Variants in FKTN observed in about 807,000 individuals in gnomAD.
FKTN encodes fukutin.
Under a neutral mutation model 58.6 loss-of-function variants are expected in FKTN, and 47 were observed. The ratio of observed to expected loss-of-function variants is 0.80; its 90% confidence interval spans 0.63 to 1.02. The LOEUF is 1.02. FKTN is among the 50% of genes least tolerant of loss of function. The pLI is 0.00. For missense variants in FKTN, 516 were observed against 537.3 expected (o/e 0.96, Z 0.39); for synonymous variants, 178 against 191.9 (o/e 0.93, Z 0.60).
Position 105,639,228 on chromosome 9 carries a change from C to A in FKTN, c.*3964C>A. 2.0e-6 allele frequency: 2 copies of A among 985,304 alleles called. No individual in the cohort carries two copies. The highest frequency in any genetic ancestry group is 2.4e-6 in the Non-Finnish European group (2 of 829,870). The allele number at this position is 985,304 out of a possible 1,614,324, so 61.0% of individuals were successfully genotyped here. A position where few individuals can be genotyped will look rare whatever the true frequency, so the allele number is the denominator to read the frequency against. ...GTCAAGAGAATTTCTCAAGAAAAAT[C>A]CCAGCAACGTTCCCTCTTTCCTCCT... On this transcript the variant is annotated 3_prime_UTR_variant, in exon 11 of 11. Coordinates refer to ENST00000357998, the MANE Select transcript of FKTN (RefSeq NM_001079802.2).
chr9:105,635,248 T>TTA lies in FKTN; in HGVS notation c.1372_1373dup (p.Gln459SerfsTer9). On this transcript the variant is annotated frameshift_variant, in exon 11 of 11. Coordinates refer to ENST00000357998, the MANE Select transcript of FKTN (RefSeq NM_001079802.2). LOFTEE classifies it high-confidence loss of function. ...TGGCCTATTTCTGAGTGGGATGAGG[T>TTA]TATCCAGTTATATTGAGATAGTAGG... 1.2e-6 allele frequency: 2 copies of TTA among 1,614,004 alleles called. No homozygotes were observed. Among genetic ancestry groups the TTA allele is most frequent in the East Asian group, 2.2e-5 (1 of 44,882 alleles).
Position 105,638,166 on chromosome 9 carries a change from CCG to C in FKTN, c.*2903_*2904del. The C allele has an allele frequency of 1.0e-6, 1 of 985,270 alleles. No homozygotes were observed. Among genetic ancestry groups the C allele is most frequent in the Non-Finnish European group, 1.2e-6 (1 of 829,854 alleles). The allele number at this position is 985,270 out of a possible 1,614,324, so 61.0% of individuals were successfully genotyped here. A position where few individuals can be genotyped will look rare whatever the true frequency, so the allele number is the denominator to read the frequency against. The stretch of plus-strand genomic sequence containing the variant: ...CAGCTGAGGCTAAAACCCAAGACTG[CCG>C]TGACTCCTAGTCCAATGTCTGTTTC... On this transcript the variant is annotated 3_prime_UTR_variant, in exon 11 of 11. Transcript: ENST00000357998.
At chr9:105,586,284 C>T (rs530075848) in intron 3 of FKTN, among the ~76,000 whole-genome samples, 1 of 152,298 alleles carries the variant, frequency 6.6e-6, no homozygotes, top group South Asian at 2.1e-4. Context: ...AGAATTGACT[C>T]TTCAGATTCC....
At chr9:105,613,389 A>T (rs918263152) in intron 7 of FKTN, among the ~76,000 whole-genome samples, 7 of 152,362 alleles carry the variant, frequency 4.6e-5, no homozygotes, top group Middle Eastern at 3.4e-3. Context: ...TTCTGTAGAC[A>T]GTGACTTATC....
rs771773538 is a variant in FKTN, at chr9:105,615,426, T to C, written c.910+19T>C. 6.2e-7 allele frequency: 1 copy of C among 1,613,110 alleles called. No individual in the cohort carries two copies. The highest frequency in any genetic ancestry group is 1.1e-5 in the South Asian group (1 of 91,060). On this transcript the variant is annotated intron_variant, in intron 8 of 10. Coordinates refer to ENST00000357998, the MANE Select transcript of FKTN (RefSeq NM_001079802.2). Reference sequence around the variant, plus strand: ...TGTCTAGGTAAAATTCTTACGACTTTCCATTTGTCTTTCTGTCATTTTGTC... The same window carrying C: ...TGTCTAGGTAAAATTCTTACGACTTCCCATTTGTCTTTCTGTCATTTTGTC...
chr9:105,558,783 A>G (rs1564174702), intron 1 of FKTN, among the ~76,000 whole-genome samples: 1 of 152,254 alleles, frequency 6.6e-6, no homozygotes, highest in East Asian at 1.9e-4. Context: ...ATGGAAGCCC[A>G]GTAGAAAAGG....
At chr9:105,605,271 G>C (rs1164691732) in intron 6 of FKTN, among the ~76,000 whole-genome samples, 1 of 151,990 alleles carries the variant, frequency 6.6e-6, no homozygotes, top group Non-Finnish European at 1.5e-5. Flanking sequence ...AAATAATATG[G>C]ATTATAAGAC....
In FKTN at chr9:105,573,677, G is replaced by C. The variant is rs4742953; in HGVS notation, c.-158G>C. 39,948 of 151,944 alleles carry C rather than the reference G, an allele frequency of 0.26. 5,531 individuals are homozygous for C. The highest frequency in any genetic ancestry group is 0.31 in the Non-Finnish European group (21,246 of 67,954). 9.4% of individuals were successfully genotyped at this position (151,944 alleles called of 1,614,324 possible). ...CAGATTGAAAGGAAACACACTGAAT[G>C]AGGAAAAACTAACATACGGTCATCA... is the stretch of plus-strand genomic sequence containing the variant. On this transcript the variant is annotated 5_prime_UTR_variant, in exon 2 of 11. An upstream start codon of the reference 5' UTR is lost. Coordinates refer to ENST00000357998, the MANE Select transcript of FKTN (RefSeq NM_001079802.2).
intron 3 of FKTN, among the ~76,000 whole-genome samples, chr9:105,581,836 C>T (rs562883265): frequency 2.0e-5 from 3 of 152,190 alleles, no homozygotes; most frequent in Non-Finnish European, 2.9e-5. Context: ...GGGCGTAGGA[C>T]CCTCCGAGCC....
intron 10 of FKTN, among the ~76,000 whole-genome samples, chr9:105,631,982 G>A (rs1475442558): frequency 4.0e-5 from 6 of 149,652 alleles, no homozygotes; most frequent in Admixed American, 6.6e-5. Context: ...TGTTTATTGC[G>A]GCATTATTCA....
intron 7 of FKTN, among the ~76,000 whole-genome samples, chr9:105,608,453 A>G (rs985369776): frequency 1.3e-5 from 2 of 152,228 alleles, no homozygotes; most frequent in African/African-American, 4.8e-5. Flanking sequence ...GCAGCTTTCA[A>G]TTCAATACAC....
rs1841178559 is a variant in FKTN, at chr9:105,573,654, G to C, written c.-180-1G>C. The stretch of plus-strand genomic sequence containing the variant: ...AAAAAAAAAAAATCTTTATTCTACA[G>C]ATTGAAAGGAAACACACTGAATGAG... On this transcript the variant is annotated splice_acceptor_variant, in intron 1 of 10. Coordinates refer to ENST00000357998, the MANE Select transcript of FKTN (RefSeq NM_001079802.2). LOFTEE classifies it low-confidence loss of function (5UTR_SPLICE). 1 of 151,990 alleles carries C rather than the reference G, an allele frequency of 6.6e-6. No homozygotes were observed. Among genetic ancestry groups the C allele is most frequent in the Non-Finnish European group, 1.5e-5 (1 of 68,012 alleles). The allele number at this position is 151,990 out of a possible 1,614,324, so 9.4% of individuals were successfully genotyped here.
At position 105,635,107 on chromosome 9, in the gene FKTN, A is replaced by C; in HGVS notation, c.1229A>C (p.His410Pro). The C allele has an allele frequency of 6.2e-7, 1 of 1,614,180 alleles. No individual in the cohort carries two copies. Among genetic ancestry groups the C allele is most frequent in the Non-Finnish European group, 8.5e-7 (1 of 1,180,006 alleles). Residue 410 changes from histidine to proline, a missense_variant, in exon 11 of 11, where the codon CAT becomes CCT. Transcript: ENST00000357998. ...CWTEFVDMKV[H>P]VPCETLEYIE... ...ACTGAGTTTGTAGACATGAAGGTCC[A>C]TGTACCCTGTGAAACCCTCGAATAC...
At chr9:105,611,063 A>G (rs72746070) in intron 7 of FKTN, among the ~76,000 whole-genome samples, 2,505 of 151,116 alleles carry the variant, frequency 0.017, 35 homozygotes, top group Middle Eastern at 0.031. Context: ...AGATAACAAT[A>G]TTTTTATTTT....
chr9:105,638,896 A>G lies in FKTN; in HGVS notation c.*3632A>G, dbSNP rs1298471455. ...TTCAAATGGCACATAGATAGGCAGG[A>G]TATTACATAGGTAAGCAGGAATTTA... On this transcript the variant is annotated 3_prime_UTR_variant, in exon 11 of 11. Coordinates refer to ENST00000357998, the MANE Select transcript of FKTN (RefSeq NM_001079802.2). The G allele has an allele frequency of 1.0e-6, 1 of 985,188 alleles. No individual in the cohort carries two copies. The highest frequency in any genetic ancestry group is 1.7e-5 in the African/African-American group (1 of 57,232). 61.0% of individuals were successfully genotyped at this position (985,188 alleles called of 1,614,324 possible). A position where few individuals can be genotyped will look rare whatever the true frequency, so the allele number is the denominator to read the frequency against.
intron 1 of FKTN, among the ~76,000 whole-genome samples, chr9:105,570,505 T>C (rs1840554780): frequency 6.6e-6 from 1 of 152,168 alleles, no homozygotes; most frequent in African/African-American, 2.4e-5. Flanking sequence ...TCTTAATTGA[T>C]GTGGGGGTGG....
At chr9:105,580,649 A>T (rs1842715157) in intron 3 of FKTN, among the ~76,000 whole-genome samples, 4 of 44,706 alleles carry the variant, frequency 8.9e-5, no homozygotes, top group Admixed American at 2.7e-4. Context: ...TGTGTCTTGG[A>T]GTTGCTCTTC....
chr9:105,577,183 T>G (rs1214611932), intron 3 of FKTN, among the ~76,000 whole-genome samples: 2 of 151,004 alleles, frequency 1.3e-5, no homozygotes, highest in African/African-American at 2.5e-5. Context: ...TTAGATCCCA[T>G]TTGTCAATTT....
intron 4 of FKTN, among the ~76,000 whole-genome samples, chr9:105,599,603 A>G (rs1166065331): frequency 6.6e-6 from 1 of 150,972 alleles, no homozygotes. Flanking sequence ...TCCCGGGTTC[A>G]AGTGATTCTC....
Sources: allele counts gnomAD v4.1 joint callset (sites outside exome capture counted in the v4.1 genomes callset), GRCh38; gene constraint gnomAD v4.1.1; transcripts MANE v1.5; gene names NCBI Gene and HGNC (gene_info 2026-07-23, HGNC 2026-07-21).